The following CCDC148 variants were observed in gnomAD, a reference collection of about 807,000 sequenced individuals.
CCDC148 encodes coiled-coil domain-containing protein 148.
A neutral mutation model predicts 85.7 loss-of-function variants in CCDC148; 89 were observed. The ratio of observed to expected loss-of-function variants is 1.04; its 90% CI spans 0.87 to 1.24. CCDC148 has a LOEUF of 1.24. Among genes scored for constraint, CCDC148 ranks in the 50% most tolerant of loss-of-function variants. The pLI is 0.00. For missense variants in CCDC148, 692 were observed against 671.7 expected (o/e 1.03, Z -0.33); for synonymous variants, 230 against 213.9 (o/e 1.08, Z -0.66).
rs113355216 is a variant in CCDC148 at position 158,217,692 on chromosome 2, C to T, written c.1370+2903G>A. Among the ~76,000 whole-genome samples the T allele has an allele frequency of 6.9e-3, 1,056 of 152,132 alleles. 15 individuals are homozygous for T. Among genetic ancestry groups the T allele is most frequent in the African/African-American group, 0.024 (984 of 41,514 alleles). On this transcript the variant is annotated intron_variant, in intron 11 of 13. Transcript: ENST00000283233. ...GTGCTGGGATTATAGGCATGAGCCA[C>T]CGCACCCGGTCGAATATTGTTTTTA...
At chr2:158,431,434 C>G (rs1386455565) in intron 1 of CCDC148, among the ~76,000 whole-genome samples, 3 of 147,970 alleles carry the variant, frequency 2.0e-5, no homozygotes, top group South Asian at 2.1e-4. Context: ...AGAAACTATA[C>G]AAGTCAAAAA....
At chr2:158,207,589 T>C (rs1044907369) in intron 11 of CCDC148, 1 of 152,174 alleles carries the variant, frequency 6.6e-6, no homozygotes, top group Non-Finnish European at 1.5e-5. Context: ...GGGTCTGTCA[T>C]ACCATGAAGC....
chr2:158,295,516 C>T lies in CCDC148; in HGVS notation c.1110+13917G>A, dbSNP rs373998708. On this transcript the variant is annotated intron_variant, in intron 9 of 13. Coordinates refer to ENST00000283233, the MANE Select transcript of CCDC148 (RefSeq NM_138803.4). ...CTGAATCCAGCAGCACATCAAAAAG[C>T]TTATCCACCATGATCAAGTGGGCTT... 6.1e-5 allele frequency among the ~76,000 whole-genome samples: 9 copies of T among 148,744 alleles called. No individual in the cohort carries two copies. The South Asian group carries it at 1.8e-3, about 29-fold the overall frequency.
rs535315577 is a variant in CCDC148 at position 158,272,790 on chromosome 2, C to T, written c.1111-21878G>A. 2.0e-5 allele frequency among the ~76,000 whole-genome samples: 3 copies of T among 152,276 alleles called. No homozygotes were observed. The South Asian group carries it at 6.2e-4, about 32-fold the overall frequency. ...TACTTCTGCTCATTCACTGGGAAAG[C>T]ATGAAACAATGAAATCCAGAATGTA... On this transcript the variant is annotated intron_variant, in intron 9 of 13. Transcript: ENST00000283233.
intron 3 of CCDC148, among the ~76,000 whole-genome samples, chr2:158,343,138 G>C (rs1388318667): frequency 6.6e-6 from 1 of 152,110 alleles, no homozygotes; most frequent in Admixed American, 6.6e-5. Flanking sequence ...TCCTGCCTCA[G>C]CCTCCCACGT....
intron 9 of CCDC148, among the ~76,000 whole-genome samples, chr2:158,264,922 T>C (rs1407029573): frequency 6.6e-6 from 1 of 152,166 alleles, no homozygotes; most frequent in African/African-American, 2.4e-5. Flanking sequence ...ATTTGTTTTA[T>C]GTTCAAGATT....
intron 11 of CCDC148, among the ~76,000 whole-genome samples, chr2:158,183,580 C>G (rs1232836577): frequency 6.6e-6 from 1 of 152,014 alleles, no homozygotes; most frequent in African/African-American, 2.4e-5. Flanking sequence ...AAGAAACAAA[C>G]AAAAAACTTA....
At chr2:158,396,806 CTAT>C (rs908562471) in intron 1 of CCDC148, among the ~76,000 whole-genome samples, 8 of 151,986 alleles carry the variant, frequency 5.3e-5, no homozygotes, top group African/African-American at 1.9e-4. Context: ...ACTACTACTA[CTAT>C]TATTATTATT....
At chr2:158,251,318 T>C (rs1038796597) in intron 9 of CCDC148, among the ~76,000 whole-genome samples, 2 of 151,856 alleles carry the variant, frequency 1.3e-5, no homozygotes, top group African/African-American at 4.8e-5. Flanking sequence ...TCTGCAATAT[T>C]TCAGCCTTCT....
chr2:158,225,326 A>G (rs1687446744), intron 10 of CCDC148, among the ~76,000 whole-genome samples: 2 of 152,300 alleles, frequency 1.3e-5, no homozygotes, highest in South Asian at 4.1e-4. Flanking sequence ...AGACCTACAA[A>G]GAGACTTAGA....
At chr2:158,201,102 C>CTAGGA (rs57594142) in intron 11 of CCDC148, among the ~76,000 whole-genome samples, 3 of 66,826 alleles carry the variant, frequency 4.5e-5, no homozygotes, top group African/African-American at 1.4e-4. Flanking sequence ...GTCATTGTTT[C>CTAGGA]CCTTACTGTG....
intron 1 of CCDC148, among the ~76,000 whole-genome samples, chr2:158,427,992 G>C (rs1264265779): frequency 2.0e-5 from 3 of 152,294 alleles, no homozygotes; most frequent in Non-Finnish European, 2.9e-5. Context: ...AAAACACAGA[G>C]AGTCTTTTAG....
chr2:158,455,942 A>G (rs1019095906), intron 1 of CCDC148, among the ~76,000 whole-genome samples: 2 of 152,230 alleles, frequency 1.3e-5, no homozygotes, highest in African/African-American at 2.4e-5. Flanking sequence ...GGAAAATAGA[A>G]AACAAAATCC....
chr2:158,378,009 G>T (rs879732175), intron 1 of CCDC148, among the ~76,000 whole-genome samples: 5 of 152,066 alleles, frequency 3.3e-5, no homozygotes, highest in Non-Finnish European at 7.4e-5. Flanking sequence ...AGGGAGAATA[G>T]TACATCTTTA....
chr2:158,272,599 G>A (rs1689746173), intron 9 of CCDC148, among the ~76,000 whole-genome samples: 1 of 152,150 alleles, frequency 6.6e-6, no homozygotes, highest in Non-Finnish European at 1.5e-5. Context: ...AGAATCCCCA[G>A]CCCCTGAGAG....
At chr2:158,269,282 G>A (rs1279203857) in intron 9 of CCDC148, among the ~76,000 whole-genome samples, 6 of 151,994 alleles carry the variant, frequency 3.9e-5, no homozygotes, top group Admixed American at 3.3e-4. Context: ...GTATCTCATG[G>A]TGGTTTTAAC....
intron 10 of CCDC148, among the ~76,000 whole-genome samples, chr2:158,223,656 G>A (rs1291280785): frequency 6.6e-6 from 1 of 152,182 alleles, no homozygotes; most frequent in Non-Finnish European, 1.5e-5. Context: ...AACATTTGCT[G>A]TTCACCAATA....
At chr2:158,435,847 C>T (rs965367067) in intron 1 of CCDC148, among the ~76,000 whole-genome samples, 2 of 152,150 alleles carry the variant, frequency 1.3e-5, no homozygotes, top group Non-Finnish European at 2.9e-5. Context: ...ATAAAACAGA[C>T]TTTGAACCGA....
intron 11 of CCDC148, among the ~76,000 whole-genome samples, chr2:158,216,132 G>C (rs1425345046): frequency 6.6e-6 from 1 of 152,026 alleles, no homozygotes; most frequent in Non-Finnish European, 1.5e-5. Flanking sequence ...TCTTAAACTT[G>C]ATTTTATATA....
Sources: allele counts gnomAD v4.1 joint callset (sites outside exome capture counted in the v4.1 genomes callset), GRCh38; gene constraint gnomAD v4.1.1; transcripts MANE v1.5; gene names NCBI Gene and HGNC (gene_info 2026-07-23, HGNC 2026-07-21).